The following CSMD3 variants were observed in gnomAD, a reference collection of about 807,000 sequenced individuals.
CSMD3 encodes the protein CUB and Sushi multiple domains 3.
Under a neutral mutation model 435.2 loss-of-function variants are expected in CSMD3, and 177 were observed. The ratio of observed to expected loss-of-function variants is 0.41; its 90% CI spans 0.36 to 0.46. The LOEUF (loss-of-function observed/expected upper bound fraction) is 0.46, where lower values mean the gene tolerates loss of function less well. CSMD3 is among the 20% of genes least tolerant of loss of function. CSMD3 has a pLI of 0.34. For missense variants in CSMD3, 4,265 were observed against 4,504.6 expected (o/e 0.95, Z 1.52); for synonymous variants, 1,656 against 1,520.5 (o/e 1.09, Z -2.07).
intron 22 of CSMD3, among the ~76,000 whole-genome samples, chr8:112,636,358 C>T (rs1001314998): frequency 1.3e-5 from 2 of 152,038 alleles, no homozygotes; most frequent in African/African-American, 4.8e-5. Flanking sequence ...TTGTAATCAT[C>T]TTTTATGCAT....
At chr8:112,489,964 G>A (rs1820527171) in intron 31 of CSMD3, among the ~76,000 whole-genome samples, 2 of 152,050 alleles carry the variant, frequency 1.3e-5, no homozygotes, top group Admixed American at 6.6e-5. Flanking sequence ...ATGAATGTGT[G>A]TATTCACATC....
intron 66 of CSMD3, among the ~76,000 whole-genome samples, chr8:112,239,875 C>T (rs114862482): frequency 2.1e-3 from 320 of 152,030 alleles, no homozygotes; most frequent in African/African-American, 7.5e-3. Flanking sequence ...GGGCGGTTGC[C>T]TGTTTTTATT....
intron 10 of CSMD3, among the ~76,000 whole-genome samples, chr8:112,871,556 G>A (rs2081136152): frequency 6.6e-6 from 1 of 152,018 alleles, no homozygotes; most frequent in South Asian, 2.1e-4. Flanking sequence ...TTGTTTTCAT[G>A]GACGTGCATA....
intron 10 of CSMD3, among the ~76,000 whole-genome samples, chr8:112,870,272 A>AT (rs367725898): frequency 0.14 from 20,098 of 141,186 alleles, 1,512 homozygotes; most frequent in Non-Finnish European, 0.17. Flanking sequence ...CAGAATGGCT[A>AT]TTTTTTTTTT....
chr8:113,276,300 C>T (rs547413109), intron 3 of CSMD3, among the ~76,000 whole-genome samples: 145 of 152,144 alleles, frequency 9.5e-4, no homozygotes, highest in Non-Finnish European at 1.7e-3. Flanking sequence ...GCCAATCACA[C>T]GGACTTTAAA....
At chr8:112,928,556 C>T (rs546907887) in intron 9 of CSMD3, among the ~76,000 whole-genome samples, 42 of 151,694 alleles carry the variant, frequency 2.8e-4, no homozygotes, top group Admixed American at 1.9e-3. Flanking sequence ...TTTGTTCTTG[C>T]GATAGTTTAC....
rs1230158844 is a variant in CSMD3 at position 113,019,160 on chromosome 8, G to A, written c.937C>T (p.Pro313Ser). Residue 313 changes from proline to serine, a missense_variant, in exon 6 of 71, where the codon CCA becomes TCA. Pro to Ser is a moderately conservative substitution (Grantham distance 74, BLOSUM62 -1). This residue lies in a region of CSMD3 where 731 missense variants were observed against 755.4 expected (regional missense o/e 0.97). Transcript: ENST00000297405. ...PTIWLSGMNI[P>S]PPIISNKNWL... The stretch of plus-strand genomic sequence containing the variant: ...TTTTTGTTGCTGATAATTGGTGGTG[G>A]TATATTCATTCCAGATAACCTGAAT... 2 of 1,610,474 alleles carry A rather than the reference G, an allele frequency of 1.2e-6. No homozygotes were observed. The highest frequency in any genetic ancestry group is 1.7e-6 in the Non-Finnish European group (2 of 1,176,960).
intron 10 of CSMD3, among the ~76,000 whole-genome samples, chr8:112,910,379 A>T (rs2082375245): frequency 6.6e-6 from 1 of 151,770 alleles, no homozygotes; most frequent in African/African-American, 2.4e-5. Flanking sequence ...CCTTCCTCAG[A>T]TAACTGTACC....
chr8:113,198,822 T>C (rs1258976011), intron 3 of CSMD3, among the ~76,000 whole-genome samples: 1 of 151,182 alleles, frequency 6.6e-6, no homozygotes, highest in East Asian at 1.9e-4. Context: ...AATTAATACC[T>C]TGTTTTCATT....
At chr8:112,594,553 C>T (rs1266996384) in intron 22 of CSMD3, among the ~76,000 whole-genome samples, 2 of 152,198 alleles carry the variant, frequency 1.3e-5, no homozygotes, top group Non-Finnish European at 2.9e-5. Flanking sequence ...GTAGGCTCCA[C>T]CTCTGGGGGC....
intron 1 of CSMD3, among the ~76,000 whole-genome samples, chr8:113,379,927 G>T (rs1274408767): frequency 6.6e-6 from 1 of 152,112 alleles, no homozygotes; most frequent in African/African-American, 2.4e-5. Flanking sequence ...TTACAGCTCT[G>T]CAAGTTGTGG....
chr8:112,780,903 A>G (rs2078367496), intron 13 of CSMD3, among the ~76,000 whole-genome samples: 1 of 152,036 alleles, frequency 6.6e-6, no homozygotes. Context: ...GAGGACTGGA[A>G]TTCCTTGACA....
At chr8:112,366,868 T>C (rs572719648) in intron 38 of CSMD3, among the ~76,000 whole-genome samples, 11 of 152,348 alleles carry the variant, frequency 7.2e-5, no homozygotes, top group Admixed American at 6.5e-4. Context: ...AAATGGCTGG[T>C]ATCATTGCTT....
In CSMD3 at chr8:113,029,190, T is replaced by C. The variant is rs558064303; in HGVS notation, c.918-10011A>G. 2.6e-5 allele frequency among the ~76,000 whole-genome samples: 4 copies of C among 151,742 alleles called. 1 individual carries two copies. The South Asian group carries it at 8.3e-4, about 32-fold the overall frequency. ...ACCATATGGATTCACAGCAGAATTCTACCAGACATTCAAAGAAGAATTGGT... is the reference window on the plus strand; with the variant it reads ...ACCATATGGATTCACAGCAGAATTCCACCAGACATTCAAAGAAGAATTGGT... On this transcript the variant is annotated intron_variant, in intron 5 of 70. Transcript: ENST00000297405.
At chr8:113,220,197 A>G (rs2092950772) in intron 3 of CSMD3, among the ~76,000 whole-genome samples, 2 of 151,452 alleles carry the variant, frequency 1.3e-5, no homozygotes, top group South Asian at 4.1e-4. Flanking sequence ...CCGTTTGATG[A>G]AAGAGCCCAG....
intron 1 of CSMD3, among the ~76,000 whole-genome samples, chr8:113,418,963 A>G (rs2094596195): frequency 6.6e-6 from 1 of 152,214 alleles, no homozygotes; most frequent in African/African-American, 2.4e-5. Flanking sequence ...GAATCACAGT[A>G]GTACCATAGC....
chr8:112,272,383 T>A (rs1379452863), intron 59 of CSMD3, among the ~76,000 whole-genome samples: 1 of 152,180 alleles, frequency 6.6e-6, no homozygotes, highest in Non-Finnish European at 1.5e-5. Context: ...ATTCATATAG[T>A]AACTGGCCTA....
chr8:112,429,895 C>A (rs1813479451), intron 32 of CSMD3, among the ~76,000 whole-genome samples: 1 of 151,452 alleles, frequency 6.6e-6, no homozygotes, highest in Non-Finnish European at 1.5e-5. Flanking sequence ...TTTCAGTAAA[C>A]AACATTCACA....
chr8:112,750,274 T>C lies in CSMD3; in HGVS notation c.1972+49888A>G, dbSNP rs548353121. Among the ~76,000 whole-genome samples the C allele has an allele frequency of 1.6e-3, 241 of 151,632 alleles. 1 individual carries two copies. Among genetic ancestry groups the C allele is most frequent in the Non-Finnish European group, 2.9e-3 (194 of 67,814 alleles). On this transcript the variant is annotated intron_variant, in intron 13 of 70. Transcript: ENST00000297405. ...GAACATAATTTTTAAAATTATATTA[T>C]TGTATAAAATGTATAATTTTATAAC...
Sources: gnomAD v4.1 joint callset for allele counts (sites outside exome capture counted in the v4.1 genomes callset) on GRCh38, gnomAD v4.1.1 for gene constraint, gnomAD v4.1.1 regional missense constraint, MANE v1.5 for transcripts, NCBI Gene and HGNC (gene_info 2026-07-23, HGNC 2026-07-21) for gene names.